The following RBMS3 variants were observed in gnomAD, a reference collection of about 807,000 sequenced individuals.
The protein encoded by RBMS3 is RNA-binding motif, single-stranded-interacting protein 3.
RBMS3 carries 27 observed loss-of-function variants against 66.8 expected under a neutral mutation model. The observed-to-expected ratio is 0.40, with a 90% CI of 0.30 to 0.56. The LOEUF is 0.56. Among genes scored for constraint, RBMS3 ranks in the 20% least tolerant of loss-of-function variants. The probability of loss-of-function intolerance (pLI) is 0.40; values close to 1 mark genes in which losing one functional copy is unlikely to be tolerated. For missense variants in RBMS3, 513 were observed against 549.5 expected, an observed-to-expected ratio of 0.93 and a Z score of 0.66; for synonymous variants, 188 against 183.0, an observed-to-expected ratio of 1.03 and a Z score of -0.22.
At chr3:29,678,390 A>C (rs545139602) in intron 4 of RBMS3, among the ~76,000 whole-genome samples, 1 of 152,276 alleles carries the variant, frequency 6.6e-6, no homozygotes, top group East Asian at 1.9e-4. Context: ...CCAAACAGTA[A>C]AGAAAAACTG....
intron 7 of RBMS3, among the ~76,000 whole-genome samples, chr3:29,882,766 C>T (rs974287430): frequency 1.4e-4 from 21 of 152,062 alleles, no homozygotes; most frequent in African/African-American, 5.1e-4. Context: ...AGAAAACCAT[C>T]CTCAACCACA....
At chr3:29,670,397 G>A (rs2050946154) in intron 4 of RBMS3, among the ~76,000 whole-genome samples, 1 of 152,156 alleles carries the variant, frequency 6.6e-6, no homozygotes, top group Non-Finnish European at 1.5e-5. Flanking sequence ...CATCTCACTG[G>A]GACTTGTTGG....
Position 29,637,898 on chromosome 3 carries a change from A to G in RBMS3, c.399+50693A>G, listed in dbSNP as rs1203985120. Among the ~76,000 whole-genome samples the G allele has an allele frequency of 2.6e-5, 4 of 151,910 alleles. No homozygotes were observed. The East Asian group carries it at 7.7e-4, about 29-fold the overall frequency. ...TCCAAGCATTGAAAGACCCCTAAGA[A>G]GCCACTGGTAGTAGTTAGATGCCAC... On this transcript the variant is annotated intron_variant, in intron 4 of 14. Transcript: ENST00000383767.
At chr3:29,590,849 G>A (rs1246838825) in intron 4 of RBMS3, among the ~76,000 whole-genome samples, 1 of 152,152 alleles carries the variant, frequency 6.6e-6, no homozygotes. Context: ...GATCAAGGCA[G>A]CTCTGCCATC....
chr3:29,689,755 C>T (rs560721863), intron 4 of RBMS3, among the ~76,000 whole-genome samples: 42 of 151,076 alleles, frequency 2.8e-4, no homozygotes, highest in African/African-American at 9.9e-4. Flanking sequence ...CTGCTTGCAT[C>T]CATATTTTAC....
At chr3:29,475,196 C>A (rs2042901298) in intron 2 of RBMS3, among the ~76,000 whole-genome samples, 1 of 151,558 alleles carries the variant, frequency 6.6e-6, no homozygotes, top group Non-Finnish European at 1.5e-5. Flanking sequence ...AATAATTAGT[C>A]AAGTACAATG....
intron 4 of RBMS3, among the ~76,000 whole-genome samples, chr3:29,650,110 A>G (rs1264194883): frequency 6.6e-6 from 1 of 152,196 alleles, no homozygotes; most frequent in African/African-American, 2.4e-5. Context: ...ATCCTCATAC[A>G]GAGATGTTAC....
chr3:29,357,415 A>G (rs1486658691), intron 1 of RBMS3, among the ~76,000 whole-genome samples: 1 of 152,176 alleles, frequency 6.6e-6, no homozygotes, highest in Non-Finnish European at 1.5e-5. Flanking sequence ...TCCATGGTGT[A>G]TATGTGCCAC....
chr3:29,484,886 A>C (rs1327275222), intron 2 of RBMS3, among the ~76,000 whole-genome samples: 2 of 152,204 alleles, frequency 1.3e-5, no homozygotes, highest in Non-Finnish European at 2.9e-5. Context: ...GTCTGGTATC[A>C]ATATAGAAGG....
At chr3:29,963,003 C>G (rs1218132746) in intron 12 of RBMS3, among the ~76,000 whole-genome samples, 3 of 151,896 alleles carry the variant, frequency 2.0e-5, no homozygotes, top group Non-Finnish European at 2.9e-5. Context: ...TCTGTATCCC[C>G]TGTGCCCTTC....
intron 4 of RBMS3, among the ~76,000 whole-genome samples, chr3:29,598,380 A>G (rs17546842): frequency 0.068 from 10,356 of 152,168 alleles, 391 homozygotes; most frequent in Non-Finnish European, 0.085. Flanking sequence ...AGAATGATCA[A>G]CAACTACCCT....
At chr3:29,583,143 A>G (rs1314637655) in intron 3 of RBMS3, among the ~76,000 whole-genome samples, 1 of 152,160 alleles carries the variant, frequency 6.6e-6, no homozygotes, top group African/African-American at 2.4e-5. Flanking sequence ...TAGCCAGAAC[A>G]TCCCTGATTC....
chr3:29,342,075 G>A (rs945155228), intron 1 of RBMS3, among the ~76,000 whole-genome samples: 1 of 152,132 alleles, frequency 6.6e-6, no homozygotes, highest in African/African-American at 2.4e-5. Flanking sequence ...AAGTCTGAAA[G>A]TAAGAATACG....
chr3:29,730,864 A>G, intron 4 of RBMS3: 2 of 983,718 alleles, frequency 2.0e-6, no homozygotes, highest in Non-Finnish European at 2.4e-6. Flanking sequence ...ATATTGTAAA[A>G]TGTTAATTTA....
chr3:29,703,553 TTTGTACAAG>T (rs2052731012), intron 4 of RBMS3, among the ~76,000 whole-genome samples: 1 of 152,192 alleles, frequency 6.6e-6, no homozygotes, highest in Non-Finnish European at 1.5e-5. Context: ...GCCCAGAGTA[TTTGTACAAG>T]TAGTAGGTCT....
intron 6 of RBMS3, among the ~76,000 whole-genome samples, chr3:29,811,027 T>G (rs1559696151): frequency 6.6e-6 from 1 of 152,116 alleles, no homozygotes; most frequent in Non-Finnish European, 1.5e-5. Flanking sequence ...ACTACTGTTG[T>G]GGCATCTGAT....
At chr3:29,388,991 G>A (rs1029080109) in intron 1 of RBMS3, among the ~76,000 whole-genome samples, 2 of 152,216 alleles carry the variant, frequency 1.3e-5, no homozygotes, top group African/African-American at 4.8e-5. Context: ...TTGAGAATTT[G>A]AGAGGAATCA....
chr3:29,767,434 GAAGT>G (rs2055984035), intron 6 of RBMS3: 1 of 151,848 alleles, frequency 6.6e-6, no homozygotes, highest in South Asian at 2.1e-4. Context: ...TGAACTCTAA[GAAGT>G]AAGGAAAATT....
chr3:29,606,667 G>A (rs1481846017), intron 4 of RBMS3, among the ~76,000 whole-genome samples: 1 of 151,636 alleles, frequency 6.6e-6, no homozygotes, highest in Non-Finnish European at 1.5e-5. Flanking sequence ...GACATAAGTG[G>A]ACATGGGAAA....
Sources: allele counts gnomAD v4.1 joint callset (sites outside exome capture counted in the v4.1 genomes callset), GRCh38; gene constraint gnomAD v4.1.1; transcripts MANE v1.5; gene names NCBI Gene and HGNC (gene_info 2026-07-23, HGNC 2026-07-21).